ATP8A2: variants seen among roughly 807,000 people sequenced by gnomAD.
The protein encoded by ATP8A2 is phospholipid-transporting ATPase IB.
A neutral mutation model predicts 165.6 loss-of-function variants in ATP8A2; 100 were observed. The ratio of observed to expected loss-of-function variants is 0.60; its 90% CI spans 0.51 to 0.71. ATP8A2 has a LOEUF of 0.71. Ranked by LOEUF, ATP8A2 falls within the 30% of genes least tolerant of loss-of-function variation. The pLI is 0.00. For missense variants in ATP8A2, 1,227 were observed against 1,479.5 expected, an observed-to-expected ratio of 0.83 and a Z score of 2.80; for synonymous variants, 543 against 548.8, an observed-to-expected ratio of 0.99 and a Z score of 0.15.
chr13:25,488,107 C>G (rs1249921032), intron 2 of ATP8A2, among the ~76,000 whole-genome samples: 1 of 152,202 alleles, frequency 6.6e-6, no homozygotes, highest in Non-Finnish European at 1.5e-5. Flanking sequence ...TCGTATATCC[C>G]TTCCTGTTTG....
chr13:25,710,101 G>C (rs1056889141), intron 25 of ATP8A2, among the ~76,000 whole-genome samples: 1 of 152,052 alleles, frequency 6.6e-6, no homozygotes, highest in East Asian at 1.9e-4. Context: ...GGAGAAGGAG[G>C]AGACTTTTAT....
chr13:25,770,392 C>A (rs1479173053), intron 26 of ATP8A2, among the ~76,000 whole-genome samples: 1 of 152,142 alleles, frequency 6.6e-6, no homozygotes, highest in African/African-American at 2.4e-5. Flanking sequence ...CTCCCCACCA[C>A]CCAGGAACTG....
At chr13:25,844,866 A>C (rs1951823326) in intron 30 of ATP8A2, among the ~76,000 whole-genome samples, 1 of 152,186 alleles carries the variant, frequency 6.6e-6, no homozygotes, top group South Asian at 2.1e-4. Context: ...TATGGAGAGA[A>C]CCTCAGGTAT....
intron 7 of ATP8A2, among the ~76,000 whole-genome samples, chr13:25,539,512 GAAC>G (rs2038401757): frequency 6.6e-6 from 1 of 151,848 alleles, no homozygotes; most frequent in African/African-American, 2.4e-5. Flanking sequence ...GCTGTGTGCT[GAAC>G]AACCTGTTGA....
intron 33 of ATP8A2, among the ~76,000 whole-genome samples, chr13:25,940,291 G>A (rs1955036806): frequency 6.6e-6 from 1 of 152,144 alleles, no homozygotes; most frequent in African/African-American, 2.4e-5. Context: ...GTCCTCTGCT[G>A]ATGCTGATGC....
chr13:25,481,142 C>T (rs1036978778), intron 2 of ATP8A2, among the ~76,000 whole-genome samples: 708 of 62,668 alleles, frequency 0.011, 8 homozygotes, highest in African/African-American at 0.038. Context: ...AGAGGGAGAC[C>T]GTGGAAAGAG....
intron 2 of ATP8A2, among the ~76,000 whole-genome samples, chr13:25,505,652 C>G (rs902269259): frequency 6.6e-6 from 1 of 152,160 alleles, no homozygotes; most frequent in African/African-American, 2.4e-5. Flanking sequence ...ATCCCTGTTT[C>G]GCTCCGCAGG....
intron 25 of ATP8A2, among the ~76,000 whole-genome samples, chr13:25,763,772 G>A (rs2044433882): frequency 6.6e-6 from 1 of 152,208 alleles, no homozygotes; most frequent in South Asian, 2.1e-4. Flanking sequence ...AGAAGGGAAC[G>A]ACTGTCCAGA....
intron 2 of ATP8A2, among the ~76,000 whole-genome samples, chr13:25,506,063 T>C (rs986922222): frequency 3.9e-5 from 6 of 152,230 alleles, no homozygotes; most frequent in Non-Finnish European, 8.8e-5. Flanking sequence ...CTGAGGAAAT[T>C]GGATCTAACA....
chr13:25,652,459 T>C (rs912928890), intron 24 of ATP8A2, among the ~76,000 whole-genome samples: 2 of 152,202 alleles, frequency 1.3e-5, no homozygotes, highest in Admixed American at 6.5e-5. Flanking sequence ...TATTTTAATG[T>C]TTATTAATGC....
chr13:25,911,236 A>G (rs1021914469), intron 33 of ATP8A2, among the ~76,000 whole-genome samples: 1 of 152,172 alleles, frequency 6.6e-6, no homozygotes, highest in Non-Finnish European at 1.5e-5. Context: ...AAAAGAACTA[A>G]TGTTTCTTTC....
chr13:25,865,127 A>G (rs1952470591), intron 33 of ATP8A2, among the ~76,000 whole-genome samples: 1 of 152,144 alleles, frequency 6.6e-6, no homozygotes, highest in Non-Finnish European at 1.5e-5. Flanking sequence ...CATAAAAAAG[A>G]GGAACTGGGT....
intron 36 of ATP8A2, among the ~76,000 whole-genome samples, chr13:26,013,618 G>A (rs1956895385): frequency 6.6e-6 from 1 of 151,728 alleles, no homozygotes; most frequent in Non-Finnish European, 1.5e-5. Flanking sequence ...AGGTTGCAGC[G>A]AGCCGAGGTC....
intron 24 of ATP8A2, among the ~76,000 whole-genome samples, chr13:25,698,690 G>C (rs1251141695): frequency 6.6e-6 from 1 of 152,144 alleles, no homozygotes; most frequent in South Asian, 2.1e-4. Flanking sequence ...AAAATGATCA[G>C]CTTATTTCTT....
At chr13:25,865,925 G>A (rs139391431) in intron 33 of ATP8A2, among the ~76,000 whole-genome samples, 19 of 152,028 alleles carry the variant, frequency 1.2e-4, no homozygotes, top group Middle Eastern at 3.4e-3. Flanking sequence ...TTTTTTTTCC[G>A]TGGGGGACCA....
chr13:25,909,637 T>C (rs552812857), intron 33 of ATP8A2, among the ~76,000 whole-genome samples: 1 of 152,298 alleles, frequency 6.6e-6, no homozygotes, highest in Admixed American at 6.5e-5. Context: ...CCCAGAATAA[T>C]GTGGCTGGTA....
chr13:25,432,319 G>T (rs746324307), intron 1 of ATP8A2, among the ~76,000 whole-genome samples: 2 of 152,152 alleles, frequency 1.3e-5, no homozygotes, highest in South Asian at 2.1e-4. Flanking sequence ...CACGTGTTTG[G>T]GTGCTCATGG....
At chr13:25,529,488 T>G (rs1004148954) in intron 2 of ATP8A2, among the ~76,000 whole-genome samples, 1 of 152,014 alleles carries the variant, frequency 6.6e-6, no homozygotes, top group African/African-American at 2.4e-5. Flanking sequence ...AGATGTAAGA[T>G]TGGGTGGAAG....
intron 24 of ATP8A2, among the ~76,000 whole-genome samples, chr13:25,659,938 C>T (rs1593154094): frequency 6.6e-6 from 1 of 152,190 alleles, no homozygotes; most frequent in African/African-American, 2.4e-5. Flanking sequence ...GCCAAGCTAC[C>T]CTCTTGAATT....
Sources: gnomAD v4.1 joint callset for allele counts (sites outside exome capture counted in the v4.1 genomes callset) on GRCh38, gnomAD v4.1.1 for gene constraint, MANE v1.5 for transcripts, NCBI Gene and HGNC (gene_info 2026-07-23, HGNC 2026-07-21) for gene names.